The following IGDCC4 variants were observed in gnomAD, a reference collection of about 807,000 sequenced individuals.
The protein encoded by IGDCC4 is likely ortholog of mouse neighbor of Punc E11.
IGDCC4 carries 72 observed loss-of-function variants against 116.6 expected under a neutral mutation model. The observed-to-expected ratio is 0.62, with a 90% CI of 0.51 to 0.75. The LOEUF (loss-of-function observed/expected upper bound fraction) is 0.75, where lower values mean the gene tolerates loss of function less well. IGDCC4 is among the 30% of genes least tolerant of loss of function. The pLI, the probability that IGDCC4 is intolerant of heterozygous loss-of-function variation, is 0.00. For synonymous variants in IGDCC4, 709 were observed against 719.9 expected (o/e 0.98, Z 0.24); for missense variants, 1,501 against 1,662.4 (o/e 0.90, Z 1.69).
intron 16 of IGDCC4, among the ~76,000 whole-genome samples, chr15:65,387,890 A>G (rs376261779): frequency 3.9e-4 from 60 of 152,266 alleles, no homozygotes; most frequent in African/African-American, 1.3e-3. Context: ...TGGGTGGATC[A>G]CCTGAGGTAA....
At chr15:65,396,659 C>A (rs1381403309) in intron 6 of IGDCC4, among the ~76,000 whole-genome samples, 175 bp downstream of exon 6, 1 of 152,170 alleles carries the variant, frequency 6.6e-6, no homozygotes, top group Non-Finnish European at 1.5e-5. Context: ...CTCCGTCCTC[C>A]AGTTACCAAG....
Position 65,385,883 on chromosome 15 carries a change from T to C in IGDCC4, c.3128A>G (p.His1043Arg). 4 of 1,612,802 alleles carry C rather than the reference T, an allele frequency of 2.5e-6. No individual in the cohort carries two copies. Among genetic ancestry groups the C allele is most frequent in the Non-Finnish European group, 3.4e-6 (4 of 1,180,016 alleles). The stretch of plus-strand genomic sequence containing the variant: ...AGAAACACCGCCACCCATAAGGCTG[T>C]GCACTTCAGCCCTGTCCTCCACGTC... ...PSDVEDRAEVHSLMGGGVSEG... is the reference protein window; with the variant it reads ...PSDVEDRAEVRSLMGGGVSEG... The change falls in exon 18 of 20, where the codon CAC becomes CGC. Residue 1043 changes from histidine to arginine, a missense_variant. Transcript: ENST00000352385.
intron 5 of IGDCC4, 31 bp from the exon 6 acceptor site, chr15:65,397,020 G>GGAC: frequency 6.4e-7 from 1 of 1,562,636 alleles, no homozygotes; most frequent in Non-Finnish European, 8.7e-7. Flanking sequence ...GCGCTGGAGG[G>GGAC]GACGCTAGGG....
At chr15:65,416,877 G>C (rs1279726267) in intron 1 of IGDCC4, among the ~76,000 whole-genome samples, 1 of 152,158 alleles carries the variant, frequency 6.6e-6, no homozygotes, top group Non-Finnish European at 1.5e-5. Context: ...AGGCCAATTA[G>C]AACCCAGACA....
rs2062920252 is a variant in IGDCC4 at position 65,395,896 on chromosome 15, A to T, written c.1265T>A (p.Val422Glu). Residue 422 changes from valine (V) to glutamate (E), a missense_variant, in exon 7 of 20, where the codon GTG becomes GAG. Val to Glu is a moderately radical substitution (Grantham distance 121, BLOSUM62 -2). Transcript: ENST00000352385. ...GMACAAASLA[V>E]VVREGLPSAP... Reference sequence around the variant, plus strand: ...GCTGGGCAGCCCCTCGCGCACCACCACGGCCAGCGACGCGGCAGCGCACGC... The same window carrying T: ...GCTGGGCAGCCCCTCGCGCACCACCTCGGCCAGCGACGCGGCAGCGCACGC... 2 of 1,588,228 alleles carry T rather than the reference A, an allele frequency of 1.3e-6. No individual in the cohort carries two copies. Among genetic ancestry groups the T allele is most frequent in the African/African-American group, 2.7e-5 (2 of 74,274 alleles).
At chr15:65,404,172 C>T (rs970557733) in intron 3 of IGDCC4, among the ~76,000 whole-genome samples, 1 of 152,146 alleles carries the variant, frequency 6.6e-6, no homozygotes, top group African/African-American at 2.4e-5. Flanking sequence ...AACAGGGGCC[C>T]TACAAACCTG....
intron 3 of IGDCC4, among the ~76,000 whole-genome samples, chr15:65,409,381 C>T (rs1327167393): frequency 2.0e-5 from 3 of 152,106 alleles, no homozygotes; most frequent in South Asian, 2.1e-4. Context: ...CTACAGCTAC[C>T]GAGATATAGG....
intron 1 of IGDCC4, among the ~76,000 whole-genome samples, chr15:65,417,419 C>T (rs1456047747): frequency 1.3e-5 from 2 of 152,194 alleles, no homozygotes; most frequent in African/African-American, 4.8e-5. Flanking sequence ...CTGAGACCCT[C>T]TACCCCTCCA....
chr15:65,407,317 A>G (rs2063049175), intron 3 of IGDCC4, among the ~76,000 whole-genome samples: 1 of 151,966 alleles, frequency 6.6e-6, no homozygotes, highest in South Asian at 2.1e-4. Flanking sequence ...TTCAACAAAA[A>G]ACCTAGTATG....
At chr15:65,404,542 T>C (rs1227136365) in intron 3 of IGDCC4, among the ~76,000 whole-genome samples, 2 of 152,222 alleles carry the variant, frequency 1.3e-5, no homozygotes, top group Non-Finnish European at 2.9e-5. Context: ...GAGCTGACTA[T>C]GCTGCTGGGA....
At chr15:65,399,359 G>C (rs143966840) in intron 5 of IGDCC4, among the ~76,000 whole-genome samples, 136 of 151,342 alleles carry the variant, frequency 9.0e-4, no homozygotes, top group African/African-American at 3.1e-3. Context: ...TACTCAGAAG[G>C]CTGAGGTAGG....
At chr15:65,396,363 A>G in intron 6 of IGDCC4, 200 bp from the exon 7 acceptor site, 2 of 689,726 alleles carry the variant, frequency 2.9e-6, no homozygotes, top group Admixed American at 2.1e-5. Context: ...CCCCAGCCCC[A>G]CAACGACCAT....
rs771644869 is a variant in IGDCC4 at position 65,392,372 on chromosome 15, T to TG, written c.1886-3dup. ...TCAACTCTGCAGGGGCAAAAGGGAC[T>TG]GGGGGGCAGAGGAGCAGGATGGGAA... On this transcript the variant is annotated splice_region_variant and splice_polypyrimidine_tract_variant and intron_variant, in intron 10 of 19. Transcript: ENST00000352385. 1.7e-5 allele frequency: 26 copies of TG among 1,510,746 alleles called. No individual in the cohort carries two copies. In the Admixed American group the frequency reaches 2.2e-4, roughly 13 times the overall value. The allele number at this position is 1,510,746 out of a possible 1,614,324, so 93.6% of individuals were successfully genotyped here. A position where few individuals can be genotyped will look rare whatever the true frequency, so the allele number is the denominator to read the frequency against.
intron 15 of IGDCC4, 39 bp from the exon 16 acceptor site, chr15:65,388,625 T>C (rs376547484): frequency 6.2e-7 from 1 of 1,611,556 alleles, no homozygotes; most frequent in Non-Finnish European, 8.5e-7. Flanking sequence ...GGATGGTGGA[T>C]GGGGTGGGTG....
intron 7 of IGDCC4, 133 bp downstream of exon 7, chr15:65,395,617 A>G: frequency 4.9e-6 from 5 of 1,016,900 alleles, no homozygotes; most frequent in Non-Finnish European, 6.7e-6. Context: ...GGTCTCTCCT[A>G]TGGGCTCCTA....
intron 1 of IGDCC4, among the ~76,000 whole-genome samples, 196 bp from the exon 2 acceptor site, chr15:65,411,566 A>G (rs571394223): frequency 7.9e-5 from 12 of 152,286 alleles, no homozygotes; most frequent in African/African-American, 2.9e-4. Context: ...CTGCTGCTCA[A>G]TTTCCTCATA....
chr15:65,407,403 T>C (rs1251553806), intron 3 of IGDCC4, among the ~76,000 whole-genome samples: 7 of 152,118 alleles, frequency 4.6e-5, no homozygotes, highest in Non-Finnish European at 7.4e-5. Context: ...AGTGCAATGG[T>C]GTGATCTTGG....
At chr15:65,416,581 G>A (rs561779022) in intron 1 of IGDCC4, among the ~76,000 whole-genome samples, 18 of 152,210 alleles carry the variant, frequency 1.2e-4, no homozygotes, top group East Asian at 3.9e-4. Flanking sequence ...CATGGCCAGC[G>A]CTTACTTGCC....
intron 5 of IGDCC4, among the ~76,000 whole-genome samples, chr15:65,399,521 A>T (rs2062964686): frequency 6.6e-6 from 1 of 151,594 alleles, no homozygotes. Context: ...CTGCAGTTTT[A>T]ATAAGTCCCC....
Sources: allele counts gnomAD v4.1 joint callset (sites outside exome capture counted in the v4.1 genomes callset), GRCh38; gene constraint gnomAD v4.1.1; transcripts MANE v1.5; gene names NCBI Gene and HGNC (gene_info 2026-07-23, HGNC 2026-07-21).